Variants in DAB2IP observed in about 807,000 individuals in gnomAD.
DAB2IP encodes the protein DAB2 interacting protein, also known as disabled homolog 2-interacting protein.
A neutral mutation model predicts 107.2 loss-of-function variants in DAB2IP; 28 were observed. That is an observed-to-expected ratio of 0.26 (90% CI 0.19 to 0.36). DAB2IP has a LOEUF of 0.36. Among genes scored for constraint, DAB2IP ranks in the 10% least tolerant of loss-of-function variants. The probability of loss-of-function intolerance (pLI) is 1.00; values close to 1 mark genes in which losing one functional copy is unlikely to be tolerated. For missense variants in DAB2IP, 1,400 were observed against 1,644.7 expected (o/e 0.85, Z 2.57); for synonymous variants, 755 against 706.4 (o/e 1.07, Z -1.09).
intron 3 of DAB2IP, among the ~76,000 whole-genome samples, chr9:121,735,369 C>T (rs1831822376): frequency 6.6e-6 from 1 of 152,212 alleles, no homozygotes; most frequent in African/African-American, 2.4e-5. Flanking sequence ...ACAGTAAAAC[C>T]TCTTCACCAG....
chr9:121,694,807 C>T lies in DAB2IP; in HGVS notation c.229-4518C>T, dbSNP rs776714497. Among the ~76,000 whole-genome samples, 9 of 152,258 alleles carry T rather than the reference C, an allele frequency of 5.9e-5. No homozygotes were observed. The East Asian group carries it at 9.6e-4, about 16-fold the overall frequency. On this transcript the variant is annotated intron_variant, in intron 2 of 15. Coordinates refer to ENST00000408936, the Ensembl canonical transcript of DAB2IP. ...GGGGCGGGGGCTACACAGCTATCCA[C>T]GCCCAGCCGTCAGGGAATGAGCTGG...
chr9:121,693,318 C>T (rs1463824001), intron 2 of DAB2IP, among the ~76,000 whole-genome samples: 3 of 152,174 alleles, frequency 2.0e-5, no homozygotes, highest in Admixed American at 2.0e-4. Context: ...CCCCCACCAC[C>T]CCCAGCCCTT....
chr9:121,697,289 C>T (rs749584782), intron 2 of DAB2IP, among the ~76,000 whole-genome samples: 6 of 152,164 alleles, frequency 3.9e-5, no homozygotes, highest in South Asian at 2.1e-4. Context: ...TTCTTCATAC[C>T]TCAAGATTGC....
chr9:121,676,271 C>T (rs1833899990), intron 1 of DAB2IP, among the ~76,000 whole-genome samples: 1 of 152,218 alleles, frequency 6.6e-6, no homozygotes, highest in South Asian at 2.1e-4. Context: ...GGAAAGCACA[C>T]AGTGCCCCAG....
intron 1 of DAB2IP, among the ~76,000 whole-genome samples, chr9:121,676,881 G>A (rs1182144576): frequency 6.6e-6 from 1 of 152,206 alleles, no homozygotes; most frequent in Non-Finnish European, 1.5e-5. Context: ...GTGCCACGCT[G>A]TTGTGGGGGA....
At chr9:121,614,346 T>C (rs984669324) in intron 1 of DAB2IP, among the ~76,000 whole-genome samples, 9 of 146,094 alleles carry the variant, frequency 6.2e-5, no homozygotes, top group South Asian at 2.2e-4. Flanking sequence ...TCTTTTTTTT[T>C]TTTTTTTTTT....
intron 1 of DAB2IP, among the ~76,000 whole-genome samples, chr9:121,641,993 CTT>C (rs1491348486): frequency 3.0e-4 from 7 of 23,258 alleles, no homozygotes; most frequent in Admixed American, 1.4e-3. Flanking sequence ...TCTTTCTTTC[CTT>C]TCTCTCTCTC....
intron 3 of DAB2IP, among the ~76,000 whole-genome samples, chr9:121,731,100 T>A (rs910723549): frequency 6.6e-6 from 1 of 152,216 alleles, no homozygotes; most frequent in African/African-American, 2.4e-5. Flanking sequence ...TGGACACTTT[T>A]CACCACATCT....
chr9:121,575,487 G>A (rs769198796), intron 1 of DAB2IP: 1 of 152,158 alleles, frequency 6.6e-6, no homozygotes, highest in Non-Finnish European at 1.5e-5. Context: ...ACCACCGAAT[G>A]TGTTTCTTGG....
At chr9:121,755,835 C>T (rs543487819) in intron 3 of DAB2IP, among the ~76,000 whole-genome samples, 2 of 152,162 alleles carry the variant, frequency 1.3e-5, no homozygotes, top group Non-Finnish European at 2.9e-5. Flanking sequence ...TGCCAAGCTG[C>T]GAGCCCCTCA....
chr9:121,581,298 C>T (rs777542203), intron 1 of DAB2IP, among the ~76,000 whole-genome samples: 18 of 152,176 alleles, frequency 1.2e-4, no homozygotes, highest in Non-Finnish European at 2.2e-4. Flanking sequence ...TGCTCAGCCT[C>T]CAGTTCCCTG....
chr9:121,588,045 C>A (rs1830344752), intron 1 of DAB2IP, among the ~76,000 whole-genome samples: 1 of 152,196 alleles, frequency 6.6e-6, no homozygotes, highest in African/African-American at 2.4e-5. Flanking sequence ...AACTCCTATC[C>A]ATGCGTTGAA....
rs2119011438 is a variant in DAB2IP at position 121,772,689 on chromosome 9, C to A, written c.2161C>A (p.Pro721Thr). The A allele has an allele frequency of 1.2e-6, 2 of 1,614,080 alleles. No individual in the cohort carries two copies. Among genetic ancestry groups the A allele is most frequent in the Non-Finnish European group, 1.7e-6 (2 of 1,180,030 alleles). Residue 721 changes from proline to threonine, a missense_variant, in exon 12 of 16, where the codon CCC (proline) becomes ACC (threonine). Physicochemically the swap from Pro to Thr is conservative, Grantham distance 38. Coordinates refer to ENST00000408936, the Ensembl canonical transcript of DAB2IP. The surrounding 1 kb of genome is among the most constrained non-coding windows in gnomAD (Gnocchi z 4.7). Reference sequence around the variant, plus strand: ...TGTCACAAGGTCCTCCGGGGTCCAGCCCTCACCTGCCCGCAGCTCGAGTTA... The same window carrying A: ...TGTCACAAGGTCCTCCGGGGTCCAGACCTCACCTGCCCGCAGCTCGAGTTA...
At chr9:121,663,529 C>G (rs1356622485) in intron 1 of DAB2IP, among the ~76,000 whole-genome samples, 3 of 152,150 alleles carry the variant, frequency 2.0e-5, no homozygotes, top group African/African-American at 7.2e-5. Flanking sequence ...TGTCCCTCTC[C>G]CACCAGACTC....
At chr9:121,691,115 T>G (rs1177620768) in intron 2 of DAB2IP, among the ~76,000 whole-genome samples, 1 of 152,228 alleles carries the variant, frequency 6.6e-6, no homozygotes, top group Admixed American at 6.5e-5. Flanking sequence ...CTTTATCTTT[T>G]TCCTTTTATA....
At chr9:121,602,122 C>T (rs936038463) in intron 1 of DAB2IP, among the ~76,000 whole-genome samples, 5 of 152,082 alleles carry the variant, frequency 3.3e-5, no homozygotes, top group African/African-American at 4.8e-5. Context: ...AGGAAGAGAA[C>T]GTGGAATATA....
intron 1 of DAB2IP, among the ~76,000 whole-genome samples, chr9:121,659,266 T>C (rs920027319): frequency 1.3e-5 from 2 of 152,152 alleles, no homozygotes; most frequent in African/African-American, 2.4e-5. Flanking sequence ...AACCAATAAA[T>C]TGGTAATCTG....
At chr9:121,733,396 C>CA (rs1252425354) in intron 3 of DAB2IP, among the ~76,000 whole-genome samples, 4 of 152,204 alleles carry the variant, frequency 2.6e-5, no homozygotes, top group Non-Finnish European at 5.9e-5. Context: ...TCTTGTCATT[C>CA]AAAGAAATGG....
rs1276592262 is a variant in DAB2IP at position 121,699,246 on chromosome 9, C to G, written c.229-79C>G. 5.2e-6 allele frequency: 6 copies of G among 1,145,618 alleles called. No individual in the cohort carries two copies. Among genetic ancestry groups the G allele is most frequent in the Non-Finnish European group, 6.5e-6 (6 of 925,754 alleles). 71.0% of individuals were successfully genotyped at this position (1,145,618 alleles called of 1,614,324 possible). A position where few individuals can be genotyped will look rare whatever the true frequency, so the allele number is the denominator to read the frequency against. On this transcript the variant is annotated intron_variant, in intron 2 of 15. Coordinates refer to ENST00000408936, the Ensembl canonical transcript of DAB2IP. The surrounding 1 kb of genome is among the most constrained non-coding windows in gnomAD (Gnocchi z 6.2). ...GCCGCGCGGCCGCCCAGCAAGGGTG[C>G]GGGTCCCGCGCGGGTCCCGGCCCGC...
Sources: gnomAD v4.1 joint callset for allele counts (sites outside exome capture counted in the v4.1 genomes callset) on GRCh38, gnomAD v4.1.1 for gene constraint, Gnocchi (gnomAD v3.1) non-coding constraint, MANE v1.5 for transcripts, NCBI Gene and HGNC (gene_info 2026-07-23, HGNC 2026-07-21) for gene names.